FRMPD4: variants seen among roughly 807,000 people sequenced by gnomAD.
FRMPD4 encodes the protein FERM and PDZ domain-containing protein 4.
Under a neutral mutation model 94.1 loss-of-function variants are expected in FRMPD4, and 22 were observed. The observed-to-expected ratio is 0.23, with a 90% confidence interval of 0.17 to 0.33. The LOEUF (loss-of-function observed/expected upper bound fraction) is 0.33. Ranked by LOEUF, FRMPD4 falls within the 10% of genes least tolerant of loss-of-function variation. The probability of loss-of-function intolerance (pLI) is 1.00; values close to 1 mark genes in which losing one functional copy is unlikely to be tolerated. For missense variants in FRMPD4, 1,111 were observed against 1,339.9 expected (o/e 0.83, Z 2.67); for synonymous variants, 631 against 548.6 (o/e 1.15, Z -2.10).
intron 1 of FRMPD4, among the ~76,000 whole-genome samples, chrX:11,863,007 T>C (rs1282355404): frequency 1.9e-5 from 2 of 105,708 alleles, no homozygotes; most frequent in Non-Finnish European, 3.9e-5. Context: ...TCTTTTTTTT[T>C]ATTATACTTT....
intron 4 of FRMPD4, among the ~76,000 whole-genome samples, chrX:12,671,396 T>A (rs1437421269): frequency 8.9e-6 from 1 of 111,946 alleles, no homozygotes; most frequent in East Asian, 2.8e-4. Flanking sequence ...CATGGAATAC[T>A]ATGCAGCCAT....
At chrX:12,388,850 T>TATATATATATATATATACAC (rs1491368741) in intron 1 of FRMPD4, among the ~76,000 whole-genome samples, 21 of 73,450 alleles carry the variant, frequency 2.9e-4, no homozygotes, top group African/African-American at 1.3e-3. Context: ...TATATATATA[T>TATATATATATATATATACAC]ACACACAATG....
intron 2 of FRMPD4, among the ~76,000 whole-genome samples, chrX:12,526,093 G>C (rs1312356962): frequency 8.9e-6 from 1 of 112,349 alleles, no homozygotes; most frequent in Non-Finnish European, 1.9e-5. Context: ...GAGTGCTACA[G>C]GGTAGGTAAT....
At chrX:12,259,739 C>T (rs985628658) in intron 1 of FRMPD4, among the ~76,000 whole-genome samples, 4 of 111,577 alleles carry the variant, frequency 3.6e-5, no homozygotes, top group African/African-American at 1.3e-4. Flanking sequence ...TAGTCTAGCC[C>T]TGTGTCTAGG....
chrX:12,686,213 A>C lies in FRMPD4; in HGVS notation c.681+9A>C, dbSNP rs1329927310. 1.1e-6 allele frequency: 1 copy of C among 933,598 alleles called. No individual in the cohort carries two copies. The highest frequency in any genetic ancestry group is 1.9e-5 in the African/African-American group (1 of 51,904). The allele number at this position is 933,598 out of a possible 1,213,427, so 76.9% of individuals were successfully genotyped here. On this transcript the variant is annotated intron_variant, in intron 7 of 16. Coordinates refer to ENST00000675598, the MANE Select transcript of FRMPD4 (RefSeq NM_001368397.1). ...GCAGCACTTCCATTAAGGTAAGATG[A>C]CCTGGTAAACTCTGTCCCTGGACGC... is the stretch of plus-strand genomic sequence containing the variant.
chrX:12,009,702 T>A (rs1265136975), intron 3 of FRMPD4, among the ~76,000 whole-genome samples: 3 of 111,512 alleles, frequency 2.7e-5, no homozygotes, highest in African/African-American at 9.8e-5. Flanking sequence ...CTTTAAAATG[T>A]TGGATGAAAA....
At chrX:12,099,648 T>C (rs2055237394) in intron 3 of FRMPD4, among the ~76,000 whole-genome samples, 1 of 112,608 alleles carries the variant, frequency 8.9e-6, no homozygotes, top group Admixed American at 9.4e-5. Flanking sequence ...AATCTTGCTA[T>C]GTTCTACTTG....
intron 1 of FRMPD4, among the ~76,000 whole-genome samples, chrX:12,218,373 C>T (rs1743436842): frequency 9.0e-6 from 1 of 111,659 alleles, no homozygotes; most frequent in African/African-American, 3.3e-5. Context: ...GGAGTCTCAG[C>T]ATGGGCTTGG....
At chrX:12,370,757 C>G (rs763592124) in intron 1 of FRMPD4, among the ~76,000 whole-genome samples, 11 of 112,533 alleles carry the variant, frequency 9.8e-5, no homozygotes, top group African/African-American at 1.6e-4. Context: ...CGACAGCTGG[C>G]CTTTGTAAAA....
intron 1 of FRMPD4, among the ~76,000 whole-genome samples, chrX:12,415,505 C>A (rs958403299): frequency 8.9e-6 from 1 of 111,783 alleles, no homozygotes; most frequent in Non-Finnish European, 1.9e-5. Context: ...CATCTTCCAA[C>A]ACCCCCTTAG....
chrX:12,449,349 A>C (rs986164202), intron 1 of FRMPD4, among the ~76,000 whole-genome samples: 2 of 112,191 alleles, frequency 1.8e-5, no homozygotes, highest in Non-Finnish European at 3.8e-5. Context: ...ATATCTCAAT[A>C]TTGTTGTCAG....
intron 3 of FRMPD4, among the ~76,000 whole-genome samples, chrX:11,921,803 A>G (rs1381374867): frequency 8.9e-6 from 1 of 112,484 alleles, no homozygotes; most frequent in African/African-American, 3.2e-5. Flanking sequence ...TGGGATTGTT[A>G]CCACAGCGTA....
chrX:12,472,437 T>C (rs2057525079), intron 1 of FRMPD4, among the ~76,000 whole-genome samples: 1 of 112,348 alleles, frequency 8.9e-6, no homozygotes, highest in Non-Finnish European at 1.9e-5. Context: ...TATCTTGTTG[T>C]GGGGTCAGCA....
At chrX:12,401,794 A>G in intron 1 of FRMPD4, among the ~76,000 whole-genome samples, 1 of 111,989 alleles carries the variant, frequency 8.9e-6, no homozygotes, top group Non-Finnish European at 1.9e-5. Flanking sequence ...TCCAGTGCAC[A>G]AATAGTCCAT....
intron 1 of FRMPD4, among the ~76,000 whole-genome samples, chrX:12,351,285 G>A (rs1479288545): frequency 1.8e-5 from 2 of 110,767 alleles, no homozygotes; most frequent in Admixed American, 9.7e-5. Flanking sequence ...CACCATTTCT[G>A]ATGACTTACT....
chrX:12,249,994 G>T (rs2054010849), intron 1 of FRMPD4, among the ~76,000 whole-genome samples: 2 of 105,560 alleles, frequency 1.9e-5, no homozygotes, highest in African/African-American at 7.0e-5. Flanking sequence ...AGCTTATTTT[G>T]TATTGGGTTT....
Position 12,707,622 on chromosome X carries a change from C to A in FRMPD4, c.1441C>A (p.Arg481=). 4 of 1,206,926 alleles carry A rather than the reference C, an allele frequency of 3.3e-6. No homozygotes were observed. Among genetic ancestry groups the A allele is most frequent in the Non-Finnish European group, 4.5e-6 (4 of 892,987 alleles). The stretch of plus-strand genomic sequence containing the variant: ...GTTTTCCGAGGAGGAGAGCTTGGTG[C>A]GGGTAGAACTCCACGTGCTAGATGT... The part of the protein sequence containing the change: ...EMFSEEESLV[R]VELHVLDVKP... Residue 481 remains arginine (R), a synonymous_variant, in exon 13 of 17, where the codon CGG becomes AGG. Coordinates refer to ENST00000675598, the MANE Select transcript of FRMPD4 (RefSeq NM_001368397.1).
intron 4 of FRMPD4, among the ~76,000 whole-genome samples, chrX:12,622,007 A>G (rs1325938847): frequency 1.0e-3 from 47 of 46,510 alleles, no homozygotes; most frequent in East Asian, 5.7e-3. Flanking sequence ...AGAAAGAAAG[A>G]AAGAAAGAAA....
chrX:12,097,709 A>G (rs774411451), intron 3 of FRMPD4, among the ~76,000 whole-genome samples: 48 of 112,738 alleles, frequency 4.3e-4, no homozygotes, highest in Non-Finnish European at 7.9e-4. Flanking sequence ...TTCACTGAGC[A>G]TAACATTTTC....
Sources: allele counts gnomAD v4.1 joint callset (sites outside exome capture counted in the v4.1 genomes callset), GRCh38; gene constraint gnomAD v4.1.1; transcripts MANE v1.5; gene names NCBI Gene and HGNC (gene_info 2026-07-23, HGNC 2026-07-21).